KIF13A: variants seen among roughly 807,000 people sequenced by gnomAD.
KIF13A encodes kinesin family member 13A.
KIF13A carries 79 observed loss-of-function variants against 212.2 expected under a neutral mutation model. That is an observed-to-expected ratio of 0.37 (90% confidence interval 0.31 to 0.45). The LOEUF is 0.45. Ranked by LOEUF, KIF13A falls within the 20% of genes least tolerant of loss-of-function variation. The pLI, the probability that KIF13A is intolerant of heterozygous loss-of-function variation, is 1.00. For missense variants in KIF13A, 1,901 were observed against 2,209.0 expected, an observed-to-expected ratio of 0.86 and a Z score of 2.79; for synonymous variants, 789 against 808.6, an observed-to-expected ratio of 0.98 and a Z score of 0.41.
At chr6:17,865,072 C>A (rs652986) in intron 4 of KIF13A, among the ~76,000 whole-genome samples, 123,423 of 152,160 alleles carry the variant, frequency 0.81, 50,536 homozygotes, top group African/African-American at 0.91. Flanking sequence ...GGAGGATATA[C>A]GCCCTATCTT....
chr6:17,911,695 G>A (rs1475054565), intron 2 of KIF13A, among the ~76,000 whole-genome samples: 3 of 72,824 alleles, frequency 4.1e-5, no homozygotes, highest in Non-Finnish European at 7.0e-5. Flanking sequence ...TGGTTAATGG[G>A]TTAAAAAAAA....
intron 4 of KIF13A, among the ~76,000 whole-genome samples, chr6:17,863,305 A>C (rs930898936): frequency 5.3e-5 from 8 of 151,912 alleles, no homozygotes; most frequent in Non-Finnish European, 7.4e-5. Context: ...GATGAGATGA[A>C]GGAACAGTAT....
rs572102414 is a variant in KIF13A at position 17,825,678 on chromosome 6, G to A, written c.1786+90C>T. ...TTTATGTGTTTAAAATGTGGAATGC[G>A]GAATGACACCTGATGCATGCTTATC... On this transcript the variant is annotated intron_variant, in intron 16 of 38. Coordinates refer to ENST00000259711, the MANE Select transcript of KIF13A (RefSeq NM_022113.6). This position sits in a 1 kb window ranked among gnomAD's most constrained non-coding sequence, Gnocchi z 4.5. 3.3e-5 allele frequency: 40 copies of A among 1,216,686 alleles called. 1 individual carries two copies. Among genetic ancestry groups the A allele is most frequent in the South Asian group, 2.2e-4 (15 of 68,996 alleles). The allele number at this position is 1,216,686 out of a possible 1,614,324, so 75.4% of individuals were successfully genotyped here.
Position 17,794,499 on chromosome 6 carries a change from A to T in KIF13A, c.3075+73T>A. On this transcript the variant is annotated intron_variant, in intron 24 of 38. Transcript: ENST00000259711. The surrounding 1 kb of genome is among the most constrained non-coding windows in gnomAD (Gnocchi z 4.1). ...AGAATAAAGATACAAATAGTTAGAA[A>T]ATCCCCAGAAACAATGTGTAAGAGT... 1 of 1,559,248 alleles carries T rather than the reference A, an allele frequency of 6.4e-7. No individual in the cohort carries two copies. The highest frequency in any genetic ancestry group is 8.7e-7 in the Non-Finnish European group (1 of 1,151,880).
chr6:17,951,025 G>T lies in KIF13A; in HGVS notation c.146+36029C>A. 1 of 1,005,590 alleles carries T rather than the reference G, an allele frequency of 9.9e-7. No homozygotes were observed. The highest frequency in any genetic ancestry group is 1.2e-6 in the Non-Finnish European group (1 of 840,352). The allele number at this position is 1,005,590 out of a possible 1,614,324, so 62.3% of individuals were successfully genotyped here. On this transcript the variant is annotated intron_variant, in intron 2 of 38. Transcript: ENST00000259711. This position sits in a 1 kb window ranked among gnomAD's most constrained non-coding sequence, Gnocchi z 4.9. The stretch of plus-strand genomic sequence containing the variant: ...ATTGAACATAAATGACTAAATATAT[G>T]GGCTATCACAAACCCACTTTAGTAG...
chr6:17,835,555 T>TA (rs1765879522), intron 11 of KIF13A, among the ~76,000 whole-genome samples: 4 of 152,220 alleles, frequency 2.6e-5, no homozygotes, highest in African/African-American at 9.6e-5. Context: ...ATTGAGAACT[T>TA]ACTATGTGCA....
intron 38 of KIF13A, chr6:17,770,839 C>T (rs1482489894): frequency 1.4e-6 from 1 of 710,302 alleles, no homozygotes; most frequent in Non-Finnish European, 1.9e-6. Context: ...AAAAAGATCT[C>T]TTTGTTACAC....
chr6:17,909,924 G>C (rs754556485), intron 2 of KIF13A, among the ~76,000 whole-genome samples: 1 of 152,080 alleles, frequency 6.6e-6, no homozygotes, highest in Non-Finnish European at 1.5e-5. Flanking sequence ...AAAAAACTCT[G>C]GAAAGAATTA....
chr6:17,956,002 T>A (rs1778327238), intron 2 of KIF13A, among the ~76,000 whole-genome samples: 1 of 152,206 alleles, frequency 6.6e-6, no homozygotes. Context: ...GCACAATTTT[T>A]AAAAAGTCTA....
chr6:17,820,916 A>C (rs1764375129), intron 16 of KIF13A, among the ~76,000 whole-genome samples: 1 of 152,372 alleles, frequency 6.6e-6, no homozygotes, highest in South Asian at 2.1e-4. Context: ...AATGTCTAAA[A>C]AACTGAATTG....
intron 2 of KIF13A, among the ~76,000 whole-genome samples, chr6:17,925,969 C>G (rs1372115608): frequency 6.6e-6 from 1 of 152,162 alleles, no homozygotes; most frequent in Non-Finnish European, 1.5e-5. Context: ...TTACTACTAA[C>G]CTGCCCCTAA....
intron 23 of KIF13A, among the ~76,000 whole-genome samples, chr6:17,796,334 TA>T (rs1004286955): frequency 3.3e-4 from 23 of 69,422 alleles, no homozygotes; most frequent in South Asian, 5.8e-4. Context: ...TTTTTATAAA[TA>T]AAAAAAAAAT....
intron 3 of KIF13A, among the ~76,000 whole-genome samples, chr6:17,880,502 C>T (rs1770961388): frequency 1.3e-5 from 2 of 151,736 alleles, no homozygotes; most frequent in Admixed American, 6.6e-5. Context: ...GAGGCACGCA[C>T]CTGTAATCCC....
At position 17,794,218 on chromosome 6, in the gene KIF13A, T is replaced by A. The variant is rs573016406; in HGVS notation, c.3222+31A>T. 6.3e-7 allele frequency: 1 copy of A among 1,578,704 alleles called. No homozygotes were observed. Among genetic ancestry groups the A allele is most frequent in the Admixed American group, 1.7e-5 (1 of 58,550 alleles). On this transcript the variant is annotated intron_variant, in intron 25 of 38. Coordinates refer to ENST00000259711, the MANE Select transcript of KIF13A (RefSeq NM_022113.6). This position sits in a 1 kb window ranked among gnomAD's most constrained non-coding sequence, Gnocchi z 4.1. Reference sequence around the variant, plus strand: ...TGGGACCTGCATTAACCAAGCTTTGTTAAATACTATTTTAAGTCTGCTTGT... The same window carrying A: ...TGGGACCTGCATTAACCAAGCTTTGATAAATACTATTTTAAGTCTGCTTGT...
chr6:17,805,423 T>G, intron 19 of KIF13A, 52 bp downstream of exon 19: 2 of 1,451,790 alleles, frequency 1.4e-6, no homozygotes, highest in Non-Finnish European at 1.9e-6. Context: ...AAATCGCTTA[T>G]ATTCTCTGTT....
At chr6:17,797,825 G>A (rs1040378338) in intron 22 of KIF13A, among the ~76,000 whole-genome samples, 1 of 152,156 alleles carries the variant, frequency 6.6e-6, no homozygotes, top group East Asian at 1.9e-4. Context: ...TTGAACCCAG[G>A]AGTTCGAGGC....
At chr6:17,985,611 C>G (rs1781476876) in intron 2 of KIF13A, among the ~76,000 whole-genome samples, 1 of 111,170 alleles carries the variant, frequency 9.0e-6, no homozygotes, top group Non-Finnish European at 1.7e-5. Context: ...AGAATTTTTT[C>G]CCGAAACAAT....
intron 32 of KIF13A, among the ~76,000 whole-genome samples, 158 bp from the exon 33 acceptor site, chr6:17,779,257 ATTTTTTTTTTTTTTTTTT>A (rs3076205): frequency 2.6e-5 from 1 of 37,856 alleles, no homozygotes; most frequent in African/African-American, 1.2e-4. Context: ...ATATATATAT[ATTTTTTTTTTTTTTTTTT>A]TTTTTTTTTT....
intron 38 of KIF13A, among the ~76,000 whole-genome samples, chr6:17,766,180 TAA>T (rs1300121094): frequency 1.3e-4 from 20 of 152,066 alleles, no homozygotes; most frequent in Non-Finnish European, 2.9e-4. Context: ...CCTTACTCAT[TAA>T]GTTTGCATTT....
Sources: allele counts gnomAD v4.1 joint callset (sites outside exome capture counted in the v4.1 genomes callset), GRCh38; gene constraint gnomAD v4.1.1; non-coding constraint Gnocchi (gnomAD v3.1); transcripts MANE v1.5; gene names NCBI Gene and HGNC (gene_info 2026-07-23, HGNC 2026-07-21).